The following ERVV-2 variants were observed in gnomAD, a reference collection of about 807,000 sequenced individuals.
ERVV-2 encodes the protein endogenous retrovirus group V member 2, envelope, also known as endogenous retrovirus group V member 2 Env polyprotein.
For missense variants in ERVV-2, 291 were observed against 495.1 expected, an observed-to-expected ratio of 0.59 and a Z score of 3.91; for synonymous variants, 105 against 184.6, an observed-to-expected ratio of 0.57 and a Z score of 3.49.
intron 1 of ERVV-2, among the ~76,000 whole-genome samples, chr19:53,046,826 C>T (rs769727465): frequency 7.9e-5 from 12 of 152,144 alleles, no homozygotes; most frequent in East Asian, 1.9e-4. Flanking sequence ...CCAAGGCGGG[C>T]GTGTCACCCG....
chr19:53,049,027 A>G lies in ERVV-2; in HGVS notation c.-225A>G. On this transcript the variant is annotated 5_prime_UTR_variant, in exon 2 of 2. Coordinates refer to ENST00000601417, the MANE Select transcript of ERVV-2 (RefSeq NM_001191055.2). Reference sequence around the variant, plus strand: ...CCACTTCAAGTGAAAAGATAAGTAAAGCCTTCTCTCTGTTCACCCAAAACT... The same window carrying G: ...CCACTTCAAGTGAAAAGATAAGTAAGGCCTTCTCTCTGTTCACCCAAAACT... 1.5e-6 allele frequency: 1 copy of G among 651,376 alleles called. No individual in the cohort carries two copies. The highest frequency in any genetic ancestry group is 2.6e-6 in the Non-Finnish European group (1 of 385,802). 40.3% of individuals were successfully genotyped at this position (651,376 alleles called of 1,614,324 possible).
rs2083914706 is a variant in ERVV-2, at chr19:53,051,633, T to C, written c.*774T>C. Among the ~76,000 whole-genome samples the C allele has an allele frequency of 6.6e-6, 1 of 152,180 alleles. No homozygotes were observed. Among genetic ancestry groups the C allele is most frequent in the South Asian group, 2.1e-4 (1 of 4,834 alleles). On this transcript the variant is annotated 3_prime_UTR_variant, in exon 2 of 2. Transcript: ENST00000601417. ...AACTAAGGCACTAGCAGCTGGCTCA[T>C]TCTTCTGATGTCCTCTCTTTTTAAA...
In ERVV-2 at chr19:53,050,874, G is replaced by A. The variant is rs571785994; in HGVS notation, c.*15G>A. ...TTTCTCTCTGAGACAGAGCAAGAGA[G>A]GGAGACCCTGATGACTTCTTCGCCC... is the stretch of plus-strand genomic sequence containing the variant. On this transcript the variant is annotated 3_prime_UTR_variant, in exon 2 of 2. Transcript: ENST00000601417. 2.7e-6 allele frequency: 4 copies of A among 1,500,176 alleles called. No individual in the cohort carries two copies. The South Asian group carries it at 3.9e-5, about 15-fold the overall frequency. 92.9% of individuals were successfully genotyped at this position (1,500,176 alleles called of 1,614,324 possible). A position where few individuals can be genotyped will look rare whatever the true frequency, so the allele number is the denominator to read the frequency against.
At chr19:53,048,168 T>TTGC (rs1284840256) in intron 1 of ERVV-2, among the ~76,000 whole-genome samples, 5 of 151,952 alleles carry the variant, frequency 3.3e-5, no homozygotes, top group African/African-American at 1.2e-4. Context: ...GGTCAGGAGT[T>TTGC]TGAGACCAGC....
rs1018410470 is a variant in ERVV-2 at position 53,050,784 on chromosome 19, C to A, written c.1533C>A (p.Ser511Arg). The A allele has an allele frequency of 2.0e-6, 3 of 1,535,972 alleles. No homozygotes were observed. Among genetic ancestry groups the A allele is most frequent in the Non-Finnish European group, 2.6e-6 (3 of 1,146,872 alleles). The change falls in exon 2 of 2, where the codon AGC becomes AGA. Residue 511 changes from serine (S) to arginine (R), a missense_variant. By Grantham distance (110) the Ser-to-Arg change is moderately radical (BLOSUM62 -1). Coordinates refer to ENST00000601417, the MANE Select transcript of ERVV-2 (RefSeq NM_001191055.2). The part of the protein sequence containing the change: ...RYQLSVIGGP[S>R]TYKHISPLDA... ...AGCTATCTGTCATTGGAGGCCCCAG[C>A]ACCTATAAGCACATCTCCCCCTTGG...
intron 1 of ERVV-2, among the ~76,000 whole-genome samples, chr19:53,045,315 G>GCC (rs1568462728): frequency 1.6e-5 from 2 of 126,830 alleles, no homozygotes; most frequent in African/African-American, 2.9e-5. Flanking sequence ...TTTTTTTGTG[G>GCC]GGGGGAGGAC....
chr19:53,050,761 C>T lies in ERVV-2; in HGVS notation c.1510C>T (p.Leu504=). 1 of 1,536,132 alleles carries T rather than the reference C, an allele frequency of 6.5e-7. No homozygotes were observed. Among genetic ancestry groups the T allele is most frequent in the Non-Finnish European group, 8.7e-7 (1 of 1,146,914 alleles). The part of the protein sequence containing the change: ...MKSPQMERYQ[L]SVIGGPSTYK... ...GTCCCCCCAAATGGAAAGATATCAG[C>T]TATCTGTCATTGGAGGCCCCAGCAC... Residue 504 remains leucine (L), a synonymous_variant, in exon 2 of 2, where the codon CTA becomes TTA. Transcript: ENST00000601417.
At chr19:53,045,066 G>A (rs2083885359) in intron 1 of ERVV-2, 108 bp downstream of exon 1, 1 of 152,248 alleles carries the variant, frequency 6.6e-6, no homozygotes, top group African/African-American at 2.4e-5. Flanking sequence ...TAAGGGGAGG[G>A]GTTTTTCCTC....
rs1186193513 is a variant in ERVV-2 at position 53,051,305 on chromosome 19, C to G, written c.*446C>G. Among the ~76,000 whole-genome samples, 2 of 151,878 alleles carry G rather than the reference C, an allele frequency of 1.3e-5. No homozygotes were observed. Among genetic ancestry groups the G allele is most frequent in the African/African-American group, 4.8e-5 (2 of 41,328 alleles). Reference sequence around the variant, plus strand: ...GGGACTACAGGCATGTGCCGCCATGCCCGGCTAATTTTGTATTTTTAGTAG... The same window carrying G: ...GGGACTACAGGCATGTGCCGCCATGGCCGGCTAATTTTGTATTTTTAGTAG... On this transcript the variant is annotated 3_prime_UTR_variant, in exon 2 of 2. Coordinates refer to ENST00000601417, the MANE Select transcript of ERVV-2 (RefSeq NM_001191055.2).
At chr19:53,046,556 C>T (rs951748071) in intron 1 of ERVV-2, among the ~76,000 whole-genome samples, 1 of 152,186 alleles carries the variant, frequency 6.6e-6, no homozygotes, top group Non-Finnish European at 1.5e-5. Context: ...TCACATTCCC[C>T]TTGCTGTTTA....
At chr19:53,047,100 A>G (rs1441390993) in intron 1 of ERVV-2, among the ~76,000 whole-genome samples, 1 of 152,032 alleles carries the variant, frequency 6.6e-6, no homozygotes, top group Non-Finnish European at 1.5e-5. Context: ...CAGAGGTTGC[A>G]GTGAGCTGAG....
chr19:53,050,987 T>C lies in ERVV-2; in HGVS notation c.*128T>C, dbSNP rs7259688. 0.16 allele frequency: 145,954 copies of C among 918,232 alleles called. 13,159 individuals carry two copies. The highest frequency in any genetic ancestry group is 0.31 in the African/African-American group (18,043 of 57,858). 56.9% of individuals were successfully genotyped at this position (918,232 alleles called of 1,614,324 possible). Reference sequence around the variant, plus strand: ...TCTCCATCTCTTGAGGAGGGAAATATTAGGGTAGGCAGGTAGGCAGGCATG... The same window carrying C: ...TCTCCATCTCTTGAGGAGGGAAATACTAGGGTAGGCAGGTAGGCAGGCATG... On this transcript the variant is annotated 3_prime_UTR_variant, in exon 2 of 2. Coordinates refer to ENST00000601417, the MANE Select transcript of ERVV-2 (RefSeq NM_001191055.2).
In ERVV-2 at chr19:53,050,719, A is replaced by C. The variant is rs768966221; in HGVS notation, c.1468A>C (p.Lys490Gln). Reference sequence around the variant, plus strand: ...GATTAAGTGTGTCTCTTCTAGGATAAAGCAATTTCACATGAAGTCCCCCCA... The same window carrying C: ...GATTAAGTGTGTCTCTTCTAGGATACAGCAATTTCACATGAAGTCCCCCCA... ...LLIKCVSSRIKQFHMKSPQME... is the reference protein window; with the variant it reads ...LLIKCVSSRIQQFHMKSPQME... The change falls in exon 2 of 2, where the codon AAG becomes CAG. Residue 490 changes from lysine (K) to glutamine (Q), a missense_variant. Coordinates refer to ENST00000601417, the MANE Select transcript of ERVV-2 (RefSeq NM_001191055.2). 6.5e-7 allele frequency: 1 copy of C among 1,535,972 alleles called. No homozygotes were observed. Among genetic ancestry groups the C allele is most frequent in the South Asian group, 1.2e-5 (1 of 84,064 alleles).
In ERVV-2 at chr19:53,051,053, G is replaced by A. The variant is rs894105348; in HGVS notation, c.*194G>A. The A allele has an allele frequency of 3.8e-6, 2 of 533,204 alleles. No homozygotes were observed. The highest frequency in any genetic ancestry group is 3.3e-5 in the East Asian group (1 of 30,274). The allele number at this position is 533,204 out of a possible 1,614,324, so 33.0% of individuals were successfully genotyped here. ...CCTTGGGAAAGGAATCTTTAGAAAC[G>A]CAGCCCACTGATAGCTTCCTTGGTG... On this transcript the variant is annotated 3_prime_UTR_variant, in exon 2 of 2. Transcript: ENST00000601417.
Position 53,045,405 on chromosome 19 carries a change from C to A in ERVV-2, c.-386+447C>A, listed in dbSNP as rs191160033. Among the ~76,000 whole-genome samples the A allele has an allele frequency of 2.6e-3, 396 of 152,152 alleles. 1 individual carries two copies. Among genetic ancestry groups the A allele is most frequent in the African/African-American group, 9.2e-3 (383 of 41,502 alleles). The stretch of plus-strand genomic sequence containing the variant: ...GCAACCTCCACCTCCCGGGTTCAAG[C>A]GATTCTTCTGCCTCAGCCTCCCGAG... On this transcript the variant is annotated intron_variant, in intron 1 of 1. Transcript: ENST00000601417.
chr19:53,050,980 G>T lies in ERVV-2; in HGVS notation c.*121G>T. ...TTCAGGGTCTCCATCTCTTGAGGAG[G>T]GAAATATTAGGGTAGGCAGGTAGGC... On this transcript the variant is annotated 3_prime_UTR_variant, in exon 2 of 2. Coordinates refer to ENST00000601417, the MANE Select transcript of ERVV-2 (RefSeq NM_001191055.2). 1.0e-6 allele frequency: 1 copy of T among 975,062 alleles called. No individual in the cohort carries two copies. Among genetic ancestry groups the T allele is most frequent in the Non-Finnish European group, 1.5e-6 (1 of 684,234 alleles). 60.4% of individuals were successfully genotyped at this position (975,062 alleles called of 1,614,324 possible).
At chr19:53,047,836 C>T (rs2083896812) in intron 1 of ERVV-2, among the ~76,000 whole-genome samples, 1 of 152,134 alleles carries the variant, frequency 6.6e-6, no homozygotes, top group Non-Finnish European at 1.5e-5. Context: ...AAAGGTTGAT[C>T]CCCAGATTGT....
Position 53,050,600 on chromosome 19 carries a change from C to G in ERVV-2, c.1349C>G (p.Ala450Gly). The G allele has an allele frequency of 7.6e-4, 740 of 972,440 alleles. No individual in the cohort carries two copies. The highest frequency in any genetic ancestry group is 1.1e-3 in the Non-Finnish European group (685 of 631,968). The allele number at this position is 972,440 out of a possible 1,614,324, so 60.2% of individuals were successfully genotyped here. A position where few individuals can be genotyped will look rare whatever the true frequency, so the allele number is the denominator to read the frequency against. ...ARAIWEAVKSALPSLNWFVPL... is the reference protein window; with the variant it reads ...ARAIWEAVKSGLPSLNWFVPL... ...GCCATCTGGGAGGCTGTGAAGTCTG[C>G]CCTCCCCTCCCTCAACTGGTTTGTC... The change falls in exon 2 of 2, where the codon GCC (alanine) becomes GGC (glycine). Residue 450 changes from alanine to glycine, a missense_variant. Physicochemically the swap from Ala to Gly is moderately conservative, Grantham distance 60. Coordinates refer to ENST00000601417, the MANE Select transcript of ERVV-2 (RefSeq NM_001191055.2).
chr19:53,047,472 A>C (rs1194827427), intron 1 of ERVV-2, among the ~76,000 whole-genome samples: 2 of 152,214 alleles, frequency 1.3e-5, no homozygotes, highest in Non-Finnish European at 2.9e-5. Flanking sequence ...CATGGCAGAC[A>C]TTCTTCCACC....
Sources: allele counts gnomAD v4.1 joint callset (sites outside exome capture counted in the v4.1 genomes callset), GRCh38; gene constraint gnomAD v4.1.1; transcripts MANE v1.5; gene names NCBI Gene and HGNC (gene_info 2026-07-23, HGNC 2026-07-21).